The following CHST9 variants were observed in gnomAD, a reference collection of about 807,000 sequenced individuals.
CHST9 encodes carbohydrate sulfotransferase 9.
Under a neutral mutation model 44.4 loss-of-function variants are expected in CHST9, and 41 were observed. That is an observed-to-expected ratio of 0.92 (90% confidence interval 0.72 to 1.20). The LOEUF (loss-of-function observed/expected upper bound fraction) is 1.20, where lower values mean the gene tolerates loss of function less well. Among genes scored for constraint, CHST9 ranks in the 50% most tolerant of loss-of-function variants. The probability of loss-of-function intolerance (pLI) is 0.00; values close to 1 mark genes in which losing one functional copy is unlikely to be tolerated. For synonymous variants in CHST9, 171 were observed against 178.4 expected (o/e 0.96, Z 0.33); for missense variants, 504 against 516.5 (o/e 0.98, Z 0.23).
chr18:26,986,000 A>G (rs1159619559), intron 4 of CHST9, among the ~76,000 whole-genome samples: 1 of 152,236 alleles, frequency 6.6e-6, no homozygotes, highest in Non-Finnish European at 1.5e-5. Flanking sequence ...ATCCTGGTAT[A>G]AAGCCTGAGA....
At chr18:26,971,609 C>T (rs942384470) in intron 4 of CHST9, among the ~76,000 whole-genome samples, 2 of 152,234 alleles carry the variant, frequency 1.3e-5, no homozygotes, top group African/African-American at 4.8e-5. Flanking sequence ...GAGCAGCTTC[C>T]ATCTAGAAAG....
At chr18:27,095,859 C>G (rs1334979260) in intron 2 of CHST9, among the ~76,000 whole-genome samples, 1 of 152,128 alleles carries the variant, frequency 6.6e-6, no homozygotes, top group Non-Finnish European at 1.5e-5. Context: ...ACCCCACTAA[C>G]AGCATTAGAC....
chr18:27,012,946 ACT>A lies in CHST9; in HGVS notation c.202+11168_202+11169del, dbSNP rs2057103046. Among the ~76,000 whole-genome samples, 5 of 152,218 alleles carry A rather than the reference ACT, an allele frequency of 3.3e-5. No individual in the cohort carries two copies. In the South Asian group the frequency reaches 1.0e-3, roughly 32 times the overall value. On this transcript the variant is annotated intron_variant, in intron 4 of 5. Transcript: ENST00000618847. ...CTGTACATAGGATCTAATTTTACAT[ACT>A]GTGGCCTAACAGTGTGCAAAATGTT... is the stretch of plus-strand genomic sequence containing the variant.
chr18:26,947,437 G>A (rs1302979385), intron 4 of CHST9, among the ~76,000 whole-genome samples: 1 of 152,146 alleles, frequency 6.6e-6, no homozygotes, highest in Non-Finnish European at 1.5e-5. Context: ...CTTCTGCACA[G>A]CAAAAGAAAC....
intron 4 of CHST9, among the ~76,000 whole-genome samples, chr18:26,961,970 G>C (rs995561017): frequency 3.9e-5 from 6 of 152,130 alleles, no homozygotes; most frequent in Non-Finnish European, 8.8e-5. Flanking sequence ...GGTATAATCA[G>C]TCCCTCCTCT....
At chr18:27,106,105 A>G (rs1474591701) in intron 2 of CHST9, among the ~76,000 whole-genome samples, 1 of 152,180 alleles carries the variant, frequency 6.6e-6, no homozygotes, top group Admixed American at 6.5e-5. Flanking sequence ...AAGATTTAGC[A>G]ATTTATAACC....
chr18:27,113,841 G>T (rs962268938), intron 2 of CHST9, among the ~76,000 whole-genome samples: 2 of 152,068 alleles, frequency 1.3e-5, no homozygotes, highest in African/African-American at 2.4e-5. Flanking sequence ...CCAACTTGAG[G>T]TACTTAAATT....
intron 4 of CHST9, among the ~76,000 whole-genome samples, chr18:27,010,432 T>C (rs376955975): frequency 3.9e-5 from 6 of 152,178 alleles, no homozygotes; most frequent in Non-Finnish European, 5.9e-5. Flanking sequence ...TCAAGACAGT[T>C]GTTGTCTTAC....
intron 4 of CHST9, among the ~76,000 whole-genome samples, chr18:26,947,236 T>A (rs2056177852): frequency 6.6e-6 from 1 of 152,208 alleles, no homozygotes; most frequent in Non-Finnish European, 1.5e-5. Flanking sequence ...GTCCTTCACA[T>A]CCCTTGTAAG....
chr18:26,922,629 T>TTTTA (rs140641649), intron 5 of CHST9, among the ~76,000 whole-genome samples: 67,475 of 150,592 alleles, frequency 0.45, 15,317 homozygotes, highest in East Asian at 0.7. Flanking sequence ...TTCTTGTTAT[T>TTTTA]TTTATTTATT....
At chr18:27,118,051 A>G (rs931436774) in intron 2 of CHST9, among the ~76,000 whole-genome samples, 6 of 152,202 alleles carry the variant, frequency 3.9e-5, no homozygotes, top group African/African-American at 1.4e-4. Context: ...CTTTGCCAGC[A>G]TTTGTGGTGT....
chr18:26,984,887 T>A (rs966000854), intron 4 of CHST9, among the ~76,000 whole-genome samples: 6 of 152,156 alleles, frequency 3.9e-5, no homozygotes, highest in African/African-American at 1.2e-4. Context: ...GAAACTCTCA[T>A]ACACTGATGG....
At chr18:26,969,753 A>G (rs959765519) in intron 4 of CHST9, among the ~76,000 whole-genome samples, 2 of 152,204 alleles carry the variant, frequency 1.3e-5, no homozygotes, top group African/African-American at 4.8e-5. Flanking sequence ...GGTATTTTAG[A>G]TAAGTTATTT....
intron 2 of CHST9, among the ~76,000 whole-genome samples, chr18:27,128,072 TCA>T (rs2058440436): frequency 3.3e-5 from 5 of 152,174 alleles, no homozygotes; most frequent in Admixed American, 2.6e-4. Context: ...CATTAAGGAC[TCA>T]TCAATTTATC....
chr18:27,010,491 T>C (rs2057070394), intron 4 of CHST9, among the ~76,000 whole-genome samples: 1 of 152,104 alleles, frequency 6.6e-6, no homozygotes, highest in South Asian at 2.1e-4. Context: ...ACAGGGCAAG[T>C]GCAATGGGAG....
intron 2 of CHST9, among the ~76,000 whole-genome samples, chr18:27,110,933 C>T (rs1441959499): frequency 6.6e-6 from 1 of 152,240 alleles, no homozygotes; most frequent in Non-Finnish European, 1.5e-5. Flanking sequence ...GAGATAGGAA[C>T]CAGCAATCTG....
At chr18:27,000,638 A>ATCTG (rs1568127457) in intron 4 of CHST9, among the ~76,000 whole-genome samples, 1 of 151,398 alleles carries the variant, frequency 6.6e-6, no homozygotes, top group Non-Finnish European at 1.5e-5. Flanking sequence ...CTATCTATCT[A>ATCTG]TCTATCTATC....
rs145837146 is a variant in CHST9, at chr18:27,022,646, C to T, written c.202+1470G>A. ...ATACATGTGCTTTGATGTCTCCATG[C>T]TTTTGCTTGTACTGCCTGAAATGCT... On this transcript the variant is annotated intron_variant, in intron 4 of 5. Coordinates refer to ENST00000618847, the MANE Select transcript of CHST9 (RefSeq NM_031422.6). 3.7e-4 allele frequency among the ~76,000 whole-genome samples: 57 copies of T among 152,280 alleles called. 1 individual carries two copies. Among genetic ancestry groups the T allele is most frequent in the African/African-American group, 1.3e-3 (55 of 41,556 alleles).
intron 2 of CHST9, among the ~76,000 whole-genome samples, chr18:27,052,264 A>G (rs574629956): frequency 1.5e-5 from 2 of 130,740 alleles, no homozygotes; most frequent in South Asian, 4.3e-4. Flanking sequence ...GTATATATAT[A>G]TGTGTATATA....
Sources: gnomAD v4.1 joint callset for allele counts (sites outside exome capture counted in the v4.1 genomes callset) on GRCh38, gnomAD v4.1.1 for gene constraint, MANE v1.5 for transcripts, NCBI Gene and HGNC (gene_info 2026-07-23, HGNC 2026-07-21) for gene names.